RUNX1: variants seen among roughly 807,000 people sequenced by gnomAD.
RUNX1 encodes the protein runt-related transcription factor 1.
Under a neutral mutation model 42.8 loss-of-function variants are expected in RUNX1, and 19 were observed. That is an observed-to-expected ratio of 0.44 (90% CI 0.31 to 0.65). The LOEUF (loss-of-function observed/expected upper bound fraction) is 0.65, where lower values mean the gene tolerates loss of function less well. Among genes scored for constraint, RUNX1 ranks in the 30% least tolerant of loss-of-function variants. The pLI, the probability that RUNX1 is intolerant of heterozygous loss-of-function variation, is 0.07. For missense variants in RUNX1, 528 were observed against 672.0 expected (o/e 0.79, Z 2.37); for synonymous variants, 271 against 289.4 (o/e 0.94, Z 0.64).
rs767067601 is a variant in RUNX1, at chr21:35,015,441, T to C, written c.58+33401A>G. Among the ~76,000 whole-genome samples the C allele has an allele frequency of 4.8e-4, 73 of 152,142 alleles. 2 individuals are homozygous for C. Among genetic ancestry groups the C allele is most frequent in the Non-Finnish European group, 8.8e-5 (6 of 68,018 alleles). ...CAAGAGAATGTTTACCATGGGATAA[T>C]GGGTTTGGAAGGATGAAGGCTGCTT... On this transcript the variant is annotated intron_variant, in intron 2 of 8. Transcript: ENST00000675419.
At chr21:34,905,139 A>G (rs1393331688) in intron 2 of RUNX1, among the ~76,000 whole-genome samples, 2 of 152,130 alleles carry the variant, frequency 1.3e-5, no homozygotes, top group East Asian at 3.9e-4. Flanking sequence ...ACTCTAGGAG[A>G]CCCGCACGCC....
chr21:34,994,341 T>A (rs1279493852), intron 2 of RUNX1, among the ~76,000 whole-genome samples: 2 of 152,248 alleles, frequency 1.3e-5, no homozygotes, highest in Non-Finnish European at 2.9e-5. Flanking sequence ...GACCTGGTAT[T>A]TGACAGCATA....
At chr21:34,931,338 A>T (rs1023347437) in intron 2 of RUNX1, among the ~76,000 whole-genome samples, 22 of 144,200 alleles carry the variant, frequency 1.5e-4, no homozygotes, top group Non-Finnish European at 2.7e-4. Context: ...ATACACATTT[A>T]TATATATATA....
At chr21:35,013,093 C>T (rs1013994898) in intron 2 of RUNX1, among the ~76,000 whole-genome samples, 1 of 152,174 alleles carries the variant, frequency 6.6e-6, no homozygotes, top group African/African-American at 2.4e-5. Context: ...CGTGAACGTC[C>T]ATGTTATCGC....
At chr21:34,980,382 C>A (rs2058838418) in intron 2 of RUNX1, among the ~76,000 whole-genome samples, 1 of 152,174 alleles carries the variant, frequency 6.6e-6, no homozygotes, top group Non-Finnish European at 1.5e-5. Context: ...TCCTACGTAG[C>A]CTGGGGATGG....
intron 2 of RUNX1, among the ~76,000 whole-genome samples, chr21:35,021,561 T>G (rs2146945086): frequency 6.6e-6 from 1 of 152,352 alleles, no homozygotes; most frequent in Non-Finnish European, 1.5e-5. Flanking sequence ...TGTCAAGCTC[T>G]GAAGCAACTG....
Position 34,966,710 on chromosome 21 carries a change from C to T in RUNX1, c.59-73747G>A, listed in dbSNP as rs568912603. Among the ~76,000 whole-genome samples, 11 of 152,256 alleles carry T rather than the reference C, an allele frequency of 7.2e-5. No homozygotes were observed. The South Asian group carries it at 1.9e-3, about 26-fold the overall frequency. The stretch of plus-strand genomic sequence containing the variant: ...TGCAAATGGAAATTAACATCATTTG[C>T]CCTTCTATTTATTTTTGCTTTTCCC... On this transcript the variant is annotated intron_variant, in intron 2 of 8. Transcript: ENST00000675419.
At position 35,000,190 on chromosome 21, in the gene RUNX1, T is replaced by C. The variant is rs190828574; in HGVS notation, c.58+48652A>G. ...CCAAAAAGGAAACTGTGTCTACTGATTTTTTTAAATCTAGAGGGAAGACGA... is the reference window on the plus strand; with the variant it reads ...CCAAAAAGGAAACTGTGTCTACTGACTTTTTTAAATCTAGAGGGAAGACGA... On this transcript the variant is annotated intron_variant, in intron 2 of 8. Transcript: ENST00000675419. Among the ~76,000 whole-genome samples the C allele has an allele frequency of 3.4e-3, 515 of 152,128 alleles. 2 individuals are homozygous for C. Among genetic ancestry groups the C allele is most frequent in the Middle Eastern group, 0.014 (4 of 292 alleles).
chr21:34,857,012 G>T (rs2057503295), intron 6 of RUNX1, among the ~76,000 whole-genome samples: 1 of 152,186 alleles, frequency 6.6e-6, no homozygotes, highest in African/African-American at 2.4e-5. Flanking sequence ...TTGCTTCACA[G>T]GGCAAATAGA....
At chr21:34,878,180 AAAAAG>A (rs1446293061) in intron 5 of RUNX1, among the ~76,000 whole-genome samples, 3 of 151,238 alleles carry the variant, frequency 2.0e-5, no homozygotes, top group East Asian at 1.9e-4. Flanking sequence ...AAAAAAAAAA[AAAAAG>A]AAGAAGAAGG....
intron 2 of RUNX1, among the ~76,000 whole-genome samples, chr21:35,041,648 T>TTTTC (rs898969905): frequency 7.1e-6 from 1 of 140,176 alleles, no homozygotes. Flanking sequence ...TCTTTCTTCT[T>TTTTC]TTTCTTTCTT....
intron 6 of RUNX1, among the ~76,000 whole-genome samples, chr21:34,851,345 G>A (rs2057415693): frequency 6.6e-6 from 1 of 152,214 alleles, no homozygotes; most frequent in Non-Finnish European, 1.5e-5. Context: ...CGAACTTACG[G>A]CTTTATTTTG....
rs2057542703 is a variant in RUNX1, at chr21:34,859,577, C to A, written c.510G>T (p.Gly170=). 6.2e-6 allele frequency: 10 copies of A among 1,612,660 alleles called. No homozygotes were observed. Among genetic ancestry groups the A allele is most frequent in the African/African-American group, 1.3e-5 (1 of 75,028 alleles). The change falls in exon 6 of 9, where the codon GGG becomes GGT. Residue 170 remains glycine, a splice_region_variant and synonymous_variant. Coordinates refer to ENST00000675419, the MANE Select transcript of RUNX1 (RefSeq NM_001754.5). ...CAGTGATGGTCAGAGTGAAGCTTTT[C>A]CCTGTGGGGACACGATAGAGAACAA... ...DLRFVGRSGR[G]KSFTLTITVF...
chr21:34,796,158 G>C lies in RUNX1; in HGVS notation c.967+3143C>G, dbSNP rs185959473. Among the ~76,000 whole-genome samples the C allele has an allele frequency of 2.3e-4, 35 of 152,292 alleles. No individual in the cohort carries two copies. In the East Asian group the frequency reaches 2.9e-3, roughly 13 times the overall value. On this transcript the variant is annotated intron_variant, in intron 8 of 8. Coordinates refer to ENST00000675419, the MANE Select transcript of RUNX1 (RefSeq NM_001754.5). ...GATGTTATGGTCTCAGCTGTTGGGG[G>C]AAAATAGTTCTTTCACTTGTGAGGA... is the stretch of plus-strand genomic sequence containing the variant.
At chr21:34,839,297 G>A (rs187994717) in intron 6 of RUNX1, among the ~76,000 whole-genome samples, 99 of 143,432 alleles carry the variant, frequency 6.9e-4, no homozygotes, top group Non-Finnish European at 1.2e-3. Context: ...CAACACCCAC[G>A]GACACACACA....
At chr21:34,879,864 G>A (rs2057868858) in intron 5 of RUNX1, among the ~76,000 whole-genome samples, 1 of 152,100 alleles carries the variant, frequency 6.6e-6, no homozygotes, top group Admixed American at 6.5e-5. Flanking sequence ...TTAAAGGCAA[G>A]GAAAAATAAA....
intron 2 of RUNX1, among the ~76,000 whole-genome samples, chr21:35,011,598 G>A (rs532714050): frequency 2.6e-5 from 4 of 152,244 alleles, no homozygotes; most frequent in Admixed American, 2.6e-4. Flanking sequence ...TGCCAGGAGG[G>A]GTTTCAGCGC....
chr21:34,793,226 G>A (rs760935550), intron 8 of RUNX1, among the ~76,000 whole-genome samples: 2 of 152,016 alleles, frequency 1.3e-5, no homozygotes, highest in South Asian at 4.2e-4. Context: ...AGGAGGACGG[G>A]GATCAGGAGG....
intron 6 of RUNX1, among the ~76,000 whole-genome samples, chr21:34,841,835 T>C (rs2057240891): frequency 6.6e-6 from 1 of 152,210 alleles, no homozygotes. Flanking sequence ...AGCCAGTCCC[T>C]AGCCCTTTGG....
Sources: allele counts gnomAD v4.1 joint callset (sites outside exome capture counted in the v4.1 genomes callset), GRCh38; gene constraint gnomAD v4.1.1; transcripts MANE v1.5; gene names NCBI Gene and HGNC (gene_info 2026-07-23, HGNC 2026-07-21).